Variants in LBH observed in about 807,000 individuals in gnomAD.
LBH encodes protein LBH.
A neutral mutation model predicts 12.5 loss-of-function variants in LBH; 7 were observed. That is an observed-to-expected ratio of 0.56 (90% CI 0.32 to 1.05). The LOEUF (loss-of-function observed/expected upper bound fraction) is 1.05. Ranked by LOEUF, LBH falls within the 50% of genes least tolerant of loss-of-function variation. The probability of loss-of-function intolerance (pLI) is 0.04; values close to 1 mark genes in which losing one functional copy is unlikely to be tolerated. For synonymous variants in LBH, 51 were observed against 50.1 expected (o/e 1.02, Z -0.08); for missense variants, 119 against 138.9 (o/e 0.86, Z 0.72).
chr2:30,253,128 T>C (rs1349111032), intron 2 of LBH, among the ~76,000 whole-genome samples: 3 of 152,220 alleles, frequency 2.0e-5, no homozygotes, highest in Non-Finnish European at 2.9e-5. Flanking sequence ...TTGGCAAGTC[T>C]GACTCAAGTC....
At position 30,257,884 on chromosome 2, in the gene LBH, T is replaced by G. The variant is rs13389106; in HGVS notation, c.*263T>G. On this transcript the variant is annotated 3_prime_UTR_variant, in exon 3 of 3. Coordinates refer to ENST00000395323, the MANE Select transcript of LBH (RefSeq NM_030915.4). ...AAGCTGCTTAGAGCCAGGGGGTTAG[T>G]GGGTGAGGGGAGCGAGTGCTGTTTT... 47,064 of 301,120 alleles carry G rather than the reference T, an allele frequency of 0.16. 4,603 individuals carry two copies. The highest frequency in any genetic ancestry group is 0.27 in the Admixed American group (5,368 of 19,802). The allele number at this position is 301,120 out of a possible 1,614,324, so 18.7% of individuals were successfully genotyped here.
At chr2:30,247,666 T>G (rs1425203807) in intron 2 of LBH, among the ~76,000 whole-genome samples, 1 of 152,236 alleles carries the variant, frequency 6.6e-6, no homozygotes, top group African/African-American at 2.4e-5. Flanking sequence ...TGTACTTCCG[T>G]CAGCAGCAGA....
chr2:30,250,403 T>C (rs1219316475), intron 2 of LBH, among the ~76,000 whole-genome samples: 1 of 151,944 alleles, frequency 6.6e-6, no homozygotes, highest in Non-Finnish European at 1.5e-5. Context: ...ACCTTTCATC[T>C]CCTCTACCTG....
In LBH at chr2:30,258,621, T is replaced by G. The variant is rs963947936; in HGVS notation, c.*1000T>G. 6.6e-6 allele frequency: 1 copy of G among 152,376 alleles called. No individual in the cohort carries two copies. 9.4% of individuals were successfully genotyped at this position (152,376 alleles called of 1,614,324 possible). On this transcript the variant is annotated 3_prime_UTR_variant, in exon 3 of 3. Transcript: ENST00000395323. ...GCCCCAGCAGCCATGGGTACATGGG[T>G]CCCCAGCTCACCTATGGATTCCCGC...
chr2:30,240,741 G>A (rs1677776403), intron 2 of LBH, among the ~76,000 whole-genome samples: 1 of 152,200 alleles, frequency 6.6e-6, no homozygotes, highest in Non-Finnish European at 1.5e-5. Flanking sequence ...AACTTTGGGA[G>A]CCCCCTCAAG....
intron 2 of LBH, among the ~76,000 whole-genome samples, chr2:30,254,895 T>G (rs1478669670): frequency 6.6e-6 from 1 of 152,238 alleles, no homozygotes; most frequent in African/African-American, 2.4e-5. Flanking sequence ...GCTCACCTCC[T>G]GGGCTGGGGC....
In LBH at chr2:30,257,791, T is replaced by C; in HGVS notation, c.*170T>C. Reference sequence around the variant, plus strand: ...GTTGGTTTTCTTTTCTTTTCTTGCCTTTTTTTTTTTTTGAAATTTGCCGAG... The same window carrying C: ...GTTGGTTTTCTTTTCTTTTCTTGCCCTTTTTTTTTTTTGAAATTTGCCGAG... On this transcript the variant is annotated 3_prime_UTR_variant, in exon 3 of 3. Transcript: ENST00000395323. 1.2e-5 allele frequency: 2 copies of C among 165,956 alleles called. No homozygotes were observed. The highest frequency in any genetic ancestry group is 1.4e-4 in the South Asian group (1 of 7,002). 10.3% of individuals were successfully genotyped at this position (165,956 alleles called of 1,614,324 possible). A position where few individuals can be genotyped will look rare whatever the true frequency, so the allele number is the denominator to read the frequency against.
intron 1 of LBH, chr2:30,232,462 G>T: frequency 2.1e-6 from 1 of 471,008 alleles, no homozygotes; most frequent in Non-Finnish European, 3.7e-6. Flanking sequence ...GGGGATCGGA[G>T]CCGGGAGGGA....
chr2:30,232,489 C>T, intron 1 of LBH: 1 of 386,496 alleles, frequency 2.6e-6, no homozygotes, highest in Non-Finnish European at 4.6e-6. Flanking sequence ...GAGAGGCAGG[C>T]CCCTGACTGC....
intron 2 of LBH, among the ~76,000 whole-genome samples, chr2:30,251,050 A>ATTTTT: frequency 8.2e-6 from 1 of 122,534 alleles, no homozygotes; most frequent in Non-Finnish European, 1.7e-5. Context: ...TGTCAGTAGA[A>ATTTTT]TTTTTTTTTT....
intron 1 of LBH, chr2:30,233,072 T>G (rs1265038865): frequency 6.6e-6 from 1 of 152,208 alleles, no homozygotes; most frequent in East Asian, 1.9e-4. Context: ...GGTGCCTTAT[T>G]ATAGGTGAAG....
chr2:30,247,265 G>A (rs1051827407), intron 2 of LBH, among the ~76,000 whole-genome samples: 1 of 152,088 alleles, frequency 6.6e-6, no homozygotes, highest in African/African-American at 2.4e-5. Context: ...CTGATCATTT[G>A]GAAAATATAG....
intron 2 of LBH, among the ~76,000 whole-genome samples, chr2:30,236,693 A>G (rs139969503): frequency 1.2e-4 from 19 of 152,272 alleles, no homozygotes; most frequent in Non-Finnish European, 2.6e-4. Flanking sequence ...GGGCCCTTGT[A>G]AGAACCCAGC....
intron 2 of LBH, among the ~76,000 whole-genome samples, chr2:30,248,485 T>C (rs1479407711): frequency 6.6e-6 from 1 of 152,070 alleles, no homozygotes; most frequent in Non-Finnish European, 1.5e-5. Context: ...GATTTGTGTT[T>C]CCAAAAAAAG....
chr2:30,242,572 A>C (rs1677808964), intron 2 of LBH, among the ~76,000 whole-genome samples: 1 of 152,170 alleles, frequency 6.6e-6, no homozygotes, highest in East Asian at 1.9e-4. Context: ...AATTTAGGAA[A>C]ATACAGAGAC....
chr2:30,257,743 G>T lies in LBH; in HGVS notation c.*122G>T. The T allele has an allele frequency of 1.5e-6, 1 of 648,744 alleles. No homozygotes were observed. The highest frequency in any genetic ancestry group is 2.4e-6 in the Non-Finnish European group (1 of 409,066). 40.2% of individuals were successfully genotyped at this position (648,744 alleles called of 1,614,324 possible). ...TCTGAAAATGTCAAACGAGGCTTCTGTTTTGCACCTGCAGATCACCGAGTT... is the reference window on the plus strand; with the variant it reads ...TCTGAAAATGTCAAACGAGGCTTCTTTTTTGCACCTGCAGATCACCGAGTT... On this transcript the variant is annotated 3_prime_UTR_variant, in exon 3 of 3. Transcript: ENST00000395323.
intron 2 of LBH, among the ~76,000 whole-genome samples, chr2:30,244,903 C>T (rs770808715): frequency 2.0e-5 from 3 of 151,896 alleles, no homozygotes; most frequent in Non-Finnish European, 4.4e-5. Flanking sequence ...GACCCTGTCT[C>T]AAACAAACAG....
chr2:30,236,236 C>T (rs1329732600), intron 2 of LBH, among the ~76,000 whole-genome samples: 1 of 152,216 alleles, frequency 6.6e-6, no homozygotes, highest in African/African-American at 2.4e-5. Flanking sequence ...TTTCTCAATG[C>T]TTCGAGTCCT....
intron 2 of LBH, among the ~76,000 whole-genome samples, chr2:30,236,635 C>T (rs1200878588): frequency 3.9e-5 from 6 of 152,228 alleles, no homozygotes; most frequent in East Asian, 1.9e-4. Context: ...CATTTAGGGG[C>T]ACTTTCCCTG....
Sources: gnomAD v4.1 joint callset for allele counts (sites outside exome capture counted in the v4.1 genomes callset) on GRCh38, gnomAD v4.1.1 for gene constraint, MANE v1.5 for transcripts, NCBI Gene and HGNC (gene_info 2026-07-23, HGNC 2026-07-21) for gene names.